Variants in KCNN2 observed in about 807,000 individuals in gnomAD.
KCNN2 encodes small conductance calcium-activated potassium channel protein 2.
In KCNN2, 24 loss-of-function variants were observed where a neutral mutation model predicts 55.5. The ratio of observed to expected loss-of-function variants is 0.43; its 90% CI spans 0.31 to 0.61. KCNN2 has a LOEUF of 0.61. Among genes scored for constraint, KCNN2 ranks in the 20% least tolerant of loss-of-function variants. The probability of loss-of-function intolerance (pLI) is 0.08; values close to 1 mark genes in which losing one functional copy is unlikely to be tolerated. For missense variants in KCNN2, 754 were observed against 853.6 expected (o/e 0.88, Z 1.45); for synonymous variants, 431 against 336.1 (o/e 1.28, Z -3.09).
chr5:114,075,375 G>T (rs1181466797), intron 1 of KCNN2, among the ~76,000 whole-genome samples: 1 of 152,154 alleles, frequency 6.6e-6, no homozygotes, highest in Non-Finnish European at 1.5e-5. Context: ...GAAGGAATCC[G>T]AAAGGTTAAA....
intron 1 of KCNN2, among the ~76,000 whole-genome samples, chr5:114,215,652 T>C (rs1368371834): frequency 6.6e-6 from 1 of 152,156 alleles, no homozygotes; most frequent in East Asian, 1.9e-4. Context: ...AAATTTTCAC[T>C]GTGTGTTTCT....
intron 2 of KCNN2, among the ~76,000 whole-genome samples, chr5:114,345,430 C>T (rs768344871): frequency 2.6e-5 from 4 of 152,174 alleles, no homozygotes; most frequent in Admixed American, 6.5e-5. Flanking sequence ...ATAGCTCTGA[C>T]ACTTAGAATC....
chr5:114,286,652 G>C (rs1182095461), intron 2 of KCNN2, among the ~76,000 whole-genome samples: 2 of 152,146 alleles, frequency 1.3e-5, no homozygotes, highest in African/African-American at 4.8e-5. Flanking sequence ...TTGTTTCTGA[G>C]ATTTTAGTTG....
In KCNN2 at chr5:114,362,624, G is replaced by C. The variant is rs1561586662; in HGVS notation, c.485G>C (p.Ser162Thr). 8.3e-6 allele frequency: 9 copies of C among 1,077,940 alleles called. No homozygotes were observed. Among genetic ancestry groups the C allele is most frequent in the Non-Finnish European group, 1.2e-5 (9 of 779,412 alleles). The allele number at this position is 1,077,940 out of a possible 1,614,324, so 66.8% of individuals were successfully genotyped here. The change falls in exon 1 of 8, where the codon AGC (serine) becomes ACC (threonine). Residue 162 changes from serine to threonine, a missense_variant. Transcript: ENST00000673685. ...ASASQYHQCHSLQPAASPTGS... is the reference protein window; with the variant it reads ...ASASQYHQCHTLQPAASPTGS... ...GCCTCCCAGTACCACCAGTGCCACA[G>C]CCTGCAGCCCGCCGCCAGCCCCACG...
At chr5:114,493,304 C>CAGTT (rs1168132061) in intron 6 of KCNN2, 99 bp from the exon 7 acceptor site, 3 of 800,314 alleles carry the variant, frequency 3.7e-6, no homozygotes, top group Non-Finnish European at 6.8e-6. Flanking sequence ...ATTATCCATG[C>CAGTT]AGTTATTTGC....
intron 1 of KCNN2, among the ~76,000 whole-genome samples, chr5:114,161,279 A>G (rs11740658): frequency 0.11 from 16,870 of 151,962 alleles, 1,189 homozygotes; most frequent in South Asian, 0.24. Context: ...TTGGCTGGAT[A>G]TGAAATTCTG....
intron 3 of KCNN2, among the ~76,000 whole-genome samples, chr5:114,432,400 T>G (rs575388844): frequency 6.6e-6 from 1 of 152,256 alleles, no homozygotes; most frequent in East Asian, 1.9e-4. Context: ...CCAACTTTCT[T>G]TTGATTAGTA....
intron 1 of KCNN2, among the ~76,000 whole-genome samples, chr5:114,207,621 AT>A (rs1373044445): frequency 6.6e-6 from 1 of 152,126 alleles, no homozygotes; most frequent in Non-Finnish European, 1.5e-5. Context: ...CATTGTAGGA[AT>A]TTTTTTCTTG....
At chr5:114,138,773 T>C (rs1752219000) in intron 1 of KCNN2, among the ~76,000 whole-genome samples, 1 of 151,478 alleles carries the variant, frequency 6.6e-6, no homozygotes, top group East Asian at 1.9e-4. Flanking sequence ...GGATGGGAGG[T>C]AGAGGAGGAG....
rs190222685 is a variant in KCNN2, at chr5:114,092,205, G to A, written c.-271+35705G>A. ...CTCCTGTTTCAGATTGGAGAAATTAGCCTTAACAAAGGGGCTACAGGTCCC... is the reference window on the plus strand; with the variant it reads ...CTCCTGTTTCAGATTGGAGAAATTAACCTTAACAAAGGGGCTACAGGTCCC... On this transcript the variant is annotated intron_variant, in intron 1 of 10. Coordinates refer to the KCNN2 transcript ENST00000512097. Among the ~76,000 whole-genome samples the A allele has an allele frequency of 2.6e-5, 4 of 152,302 alleles. No homozygotes were observed. In the East Asian group the frequency reaches 7.7e-4, roughly 29 times the overall value.
chr5:114,312,428 CACACACATATATATATATATATAT>C (rs1165116406), intron 2 of KCNN2, among the ~76,000 whole-genome samples: 6 of 22,218 alleles, frequency 2.7e-4, no homozygotes, highest in African/African-American at 7.3e-4. Context: ...CACACACACA[CACACACATATATATATATATATAT>C]ATATATATAT....
chr5:114,214,720 G>C (rs6894710), intron 1 of KCNN2, among the ~76,000 whole-genome samples: 106,960 of 151,984 alleles, frequency 0.7, 37,829 homozygotes, highest in East Asian at 0.87. Flanking sequence ...ATGGATTAAT[G>C]GGACCATAAT....
Position 114,493,487 on chromosome 5 carries a change from CT to C in KCNN2, c.2088+17del. ...ACTTGGCAAAGGTAAGCCTGAGGTG[CT>C]TAGCCCTCCTAGTTGCATCTGTTGA... On this transcript the variant is annotated intron_variant, in intron 7 of 7. Coordinates refer to ENST00000673685, the MANE Select transcript of KCNN2 (RefSeq NM_021614.4). 1 of 1,581,636 alleles carries C rather than the reference CT, an allele frequency of 6.3e-7. No individual in the cohort carries two copies. Among genetic ancestry groups the C allele is most frequent in the Non-Finnish European group, 8.7e-7 (1 of 1,150,722 alleles).
intron 1 of KCNN2, among the ~76,000 whole-genome samples, chr5:114,155,686 T>A (rs1289957371): frequency 6.6e-6 from 1 of 152,224 alleles, no homozygotes; most frequent in East Asian, 1.9e-4. Context: ...ATATCTTCTT[T>A]TCAAAAACGT....
chr5:114,371,406 A>C (rs1757756420), intron 2 of KCNN2, among the ~76,000 whole-genome samples: 1 of 152,150 alleles, frequency 6.6e-6, no homozygotes. Flanking sequence ...TGAGTAAAGT[A>C]AGAAGTAGAA....
chr5:114,391,070 A>G (rs1758438743), intron 2 of KCNN2, among the ~76,000 whole-genome samples: 1 of 152,132 alleles, frequency 6.6e-6, no homozygotes, highest in African/African-American at 2.4e-5. Context: ...AAGTCAGGAG[A>G]AGACAATTTC....
chr5:114,274,222 A>T (rs1486581847), intron 2 of KCNN2, among the ~76,000 whole-genome samples: 1 of 119,108 alleles, frequency 8.4e-6, no homozygotes, highest in Non-Finnish European at 1.7e-5. Flanking sequence ...TACCAGTACC[A>T]TGCTGTTTTG....
rs1248326043 is a variant in KCNN2 at position 114,478,172 on chromosome 5, C to A, written c.1890+5008C>A. Among the ~76,000 whole-genome samples the A allele has an allele frequency of 2.6e-5, 4 of 152,044 alleles. No homozygotes were observed. In the South Asian group the frequency reaches 8.3e-4, roughly 32 times the overall value. ...AGAGCATATGGCACCCTGGTGCATT[C>A]CCCTTGAATTGGCGAGGAGTGGAAG... On this transcript the variant is annotated intron_variant, in intron 5 of 7. Transcript: ENST00000673685.
intron 2 of KCNN2, among the ~76,000 whole-genome samples, chr5:114,356,739 G>T (rs192390691): frequency 1.3e-5 from 2 of 152,158 alleles, no homozygotes; most frequent in East Asian, 1.9e-4. Context: ...TAATCATAAG[G>T]CAGAAGTATG....
Sources: allele counts gnomAD v4.1 joint callset (sites outside exome capture counted in the v4.1 genomes callset), GRCh38; gene constraint gnomAD v4.1.1; transcripts MANE v1.5; gene names NCBI Gene and HGNC (gene_info 2026-07-23, HGNC 2026-07-21).